Variants in ADAMTS12 observed in about 807,000 individuals in gnomAD.
The protein encoded by ADAMTS12 is A disintegrin and metalloproteinase with thrombospondin motifs 12.
A neutral mutation model predicts 167.8 loss-of-function variants in ADAMTS12; 118 were observed. The observed-to-expected ratio is 0.70, with a 90% CI of 0.61 to 0.82. The LOEUF (loss-of-function observed/expected upper bound fraction) is 0.82, where lower values mean the gene tolerates loss of function less well. ADAMTS12 is among the 40% of genes least tolerant of loss of function. The pLI is 0.00. For synonymous variants in ADAMTS12, 704 were observed against 716.9 expected, an observed-to-expected ratio of 0.98 and a Z score of 0.29; for missense variants, 1,916 against 1,998.8, an observed-to-expected ratio of 0.96 and a Z score of 0.79.
intron 3 of ADAMTS12, among the ~76,000 whole-genome samples, chr5:33,743,645 G>A (rs760921408): frequency 2.0e-5 from 3 of 152,122 alleles, no homozygotes; most frequent in Non-Finnish European, 2.9e-5. Flanking sequence ...GTGGGAGCTC[G>A]CTGAGTAAAT....
intron 2 of ADAMTS12, among the ~76,000 whole-genome samples, chr5:33,855,556 T>A (rs985846472): frequency 1.3e-5 from 2 of 152,182 alleles, no homozygotes; most frequent in African/African-American, 4.8e-5. Context: ...TTCATCTCGA[T>A]GTAAAGGTGG....
chr5:33,833,615 C>A (rs1748390873), intron 2 of ADAMTS12, among the ~76,000 whole-genome samples: 1 of 152,246 alleles, frequency 6.6e-6, no homozygotes, highest in South Asian at 2.1e-4. Context: ...AAGTACCTTA[C>A]AATGGAGAGT....
intron 2 of ADAMTS12, among the ~76,000 whole-genome samples, chr5:33,867,049 G>A (rs1372459123): frequency 2.6e-5 from 4 of 152,096 alleles, no homozygotes; most frequent in African/African-American, 7.2e-5. Flanking sequence ...AAAACAGTAT[G>A]GAAATTTCCT....
At chr5:33,623,203 C>G (rs1333481094) in intron 14 of ADAMTS12, among the ~76,000 whole-genome samples, 2 of 152,162 alleles carry the variant, frequency 1.3e-5, no homozygotes, top group African/African-American at 4.8e-5. Flanking sequence ...CTCAAAGTGG[C>G]TATCACTTCC....
chr5:33,736,818 C>T (rs1744392768), intron 3 of ADAMTS12, among the ~76,000 whole-genome samples: 1 of 152,188 alleles, frequency 6.6e-6, no homozygotes, highest in Non-Finnish European at 1.5e-5. Flanking sequence ...AGCCCTACTG[C>T]TTTTCTGAAG....
chr5:33,624,143 TA>T, intron 14 of ADAMTS12, 87 bp downstream of exon 14: 1 of 1,569,330 alleles, frequency 6.4e-7, no homozygotes, highest in Middle Eastern at 1.7e-4. Flanking sequence ...TTTAAAGAAA[TA>T]AAAACAAAAA....
At chr5:33,844,958 T>C (rs1177619176) in intron 2 of ADAMTS12, among the ~76,000 whole-genome samples, 3 of 152,158 alleles carry the variant, frequency 2.0e-5, no homozygotes, top group African/African-American at 7.2e-5. Context: ...CCCCGATAAT[T>C]TCTGAAATTT....
chr5:33,875,153 A>G (rs1013188369), intron 2 of ADAMTS12, among the ~76,000 whole-genome samples: 5 of 152,210 alleles, frequency 3.3e-5, no homozygotes, highest in Non-Finnish European at 5.9e-5. Flanking sequence ...TAAAAAGATC[A>G]GTGGTTTCCA....
At chr5:33,560,784 G>C (rs187803181) in intron 20 of ADAMTS12, among the ~76,000 whole-genome samples, 1 of 116,908 alleles carries the variant, frequency 8.6e-6, no homozygotes, top group Non-Finnish European at 1.7e-5. Flanking sequence ...GTGGGGGGAG[G>C]GGGGAGGGAT....
rs1360906716 is a variant in ADAMTS12, at chr5:33,612,783, T to G, written c.2527+1455A>C. Reference sequence around the variant, plus strand: ...GTATGTTTGGAAATGCTAGAGGCAGTGGTAGGAATGGCAGGACTGACTCTC... The same window carrying G: ...GTATGTTTGGAAATGCTAGAGGCAGGGGTAGGAATGGCAGGACTGACTCTC... On this transcript the variant is annotated intron_variant, in intron 16 of 23. Transcript: ENST00000504830. Among the ~76,000 whole-genome samples, 3 of 152,152 alleles carry G rather than the reference T, an allele frequency of 2.0e-5. No homozygotes were observed. In the East Asian group the frequency reaches 5.8e-4, roughly 29 times the overall value.
At chr5:33,738,452 T>G (rs1194242036) in intron 3 of ADAMTS12, among the ~76,000 whole-genome samples, 1 of 152,212 alleles carries the variant, frequency 6.6e-6, no homozygotes, top group Admixed American at 6.5e-5. Context: ...TGATGCCTCC[T>G]GCATATTCCA....
intron 1 of ADAMTS12, 46 bp from the exon 2 acceptor site, chr5:33,881,526 T>C (rs1750444457): frequency 1.9e-6 from 3 of 1,561,662 alleles, no homozygotes; most frequent in South Asian, 2.3e-5. Context: ...AGATTGGTAG[T>C]AAAGCAAAGC....
At chr5:33,742,174 A>G (rs1470522494) in intron 3 of ADAMTS12, among the ~76,000 whole-genome samples, 1 of 152,156 alleles carries the variant, frequency 6.6e-6, no homozygotes, top group African/African-American at 2.4e-5. Flanking sequence ...CAATGTAATT[A>G]AAGGTCTTAA....
chr5:33,747,539 G>A (rs1355070463), intron 3 of ADAMTS12, among the ~76,000 whole-genome samples: 1 of 152,104 alleles, frequency 6.6e-6, no homozygotes, highest in Admixed American at 6.6e-5. Context: ...ACTACTGGGT[G>A]GAATGAACCC....
chr5:33,622,248 C>T (rs1739371964), intron 14 of ADAMTS12, among the ~76,000 whole-genome samples: 1 of 152,102 alleles, frequency 6.6e-6, no homozygotes, highest in African/African-American at 2.4e-5. Flanking sequence ...TAAGGGATTA[C>T]AAGGTTAAGT....
intron 2 of ADAMTS12, among the ~76,000 whole-genome samples, chr5:33,763,190 T>A (rs1205356472): frequency 1.3e-5 from 2 of 152,216 alleles, no homozygotes; most frequent in African/African-American, 4.8e-5. Context: ...TATCTTACTT[T>A]ACTTAGCAGA....
At chr5:33,575,983 A>C in intron 19 of ADAMTS12, 71 bp downstream of exon 19, 1 of 1,526,070 alleles carries the variant, frequency 6.6e-7, no homozygotes, top group Non-Finnish European at 8.8e-7. Context: ...TCATTTTGAA[A>C]TTTTCACATG....
At chr5:33,759,282 G>A (rs767157533) in intron 2 of ADAMTS12, among the ~76,000 whole-genome samples, 4 of 152,172 alleles carry the variant, frequency 2.6e-5, no homozygotes, top group Non-Finnish European at 5.9e-5. Flanking sequence ...AACCATAGAC[G>A]CCAGGTCCTG....
intron 15 of ADAMTS12, 75 bp downstream of exon 15, chr5:33,615,753 G>C: frequency 1.3e-6 from 2 of 1,576,292 alleles, no homozygotes; most frequent in Non-Finnish European, 1.7e-6. Context: ...ATGTCCCCTA[G>C]CAAGTACCTT....
Sources: allele counts gnomAD v4.1 joint callset (sites outside exome capture counted in the v4.1 genomes callset), GRCh38; gene constraint gnomAD v4.1.1; transcripts MANE v1.5; gene names NCBI Gene and HGNC (gene_info 2026-07-23, HGNC 2026-07-21).